ANKRD62: variants seen among roughly 807,000 people sequenced by gnomAD.
The protein encoded by ANKRD62 is ankyrin repeat domain-containing protein 62.
In ANKRD62, 61 loss-of-function variants were observed where a neutral mutation model predicts 98.8. The observed-to-expected ratio is 0.62, with a 90% CI of 0.50 to 0.76. The LOEUF (loss-of-function observed/expected upper bound fraction) is 0.76, where lower values mean the gene tolerates loss of function less well. Ranked by LOEUF, ANKRD62 falls within the 30% of genes least tolerant of loss-of-function variation. The probability of loss-of-function intolerance (pLI) is 0.00; values close to 1 mark genes in which losing one functional copy is unlikely to be tolerated. For synonymous variants in ANKRD62, 341 were observed against 367.9 expected (o/e 0.93, Z 0.84); for missense variants, 933 against 1,082.9 (o/e 0.86, Z 1.94).
chr18:12,112,069 C>G (rs1204258063), intron 8 of ANKRD62, among the ~76,000 whole-genome samples: 3 of 140,168 alleles, frequency 2.1e-5, no homozygotes, highest in African/African-American at 8.2e-5. Flanking sequence ...GAGATCATGC[C>G]ATTGTGCTTC....
chr18:12,165,301 C>A, the ANKRD62 span, among the ~76,000 whole-genome samples: 1 of 151,946 alleles, frequency 6.6e-6, no homozygotes, highest in Non-Finnish European at 1.5e-5. Flanking sequence ...GTAAACACAC[C>A]TAGCATTTTG....
chr18:12,159,041 A>G, the ANKRD62 span, among the ~76,000 whole-genome samples: 1 of 152,212 alleles, frequency 6.6e-6, no homozygotes, highest in Non-Finnish European at 1.5e-5. Flanking sequence ...AAAGCTGGAC[A>G]TCTTTCTCCT....
chr18:12,158,727 G>C, the ANKRD62 span, among the ~76,000 whole-genome samples: 1 of 149,402 alleles, frequency 6.7e-6, no homozygotes. Flanking sequence ...GTAGAGATGG[G>C]GTTTCACCGT....
downstream of ANKRD62, among the ~76,000 whole-genome samples, chr18:12,131,143 G>A (rs1909997605): frequency 2.0e-5 from 3 of 152,198 alleles, no homozygotes; most frequent in South Asian, 6.2e-4. Context: ...TTGGATTTCA[G>A]ATTTTCAAGT....
chr18:12,118,608 TAAAA>T (rs34897974), intron 10 of ANKRD62, among the ~76,000 whole-genome samples: 212 of 141,096 alleles, frequency 1.5e-3, no homozygotes, highest in Non-Finnish European at 2.3e-3. Flanking sequence ...GGCTCTGTCT[TAAAA>T]AAAAAAAAAA....
intron 6 of ANKRD62, chr18:12,102,170 G>A: frequency 1.0e-6 from 1 of 981,380 alleles, no homozygotes; most frequent in Non-Finnish European, 1.7e-6. Flanking sequence ...TAACTATGAA[G>A]AGTGAGGGTT....
At chr18:12,171,741 C>T in the ANKRD62 span, among the ~76,000 whole-genome samples, 17 of 152,346 alleles carry the variant, frequency 1.1e-4, no homozygotes, top group East Asian at 3.3e-3. Context: ...TGTTTTCCAA[C>T]TTGGTTCCAT....
the ANKRD62 span, among the ~76,000 whole-genome samples, chr18:12,168,955 A>T: frequency 6.6e-6 from 1 of 152,108 alleles, no homozygotes; most frequent in African/African-American, 2.4e-5. Flanking sequence ...GGTGTATAAG[A>T]ATGCCTGTGA....
chr18:12,104,526 G>A (rs145032176), intron 7 of ANKRD62, among the ~76,000 whole-genome samples: 1 of 152,022 alleles, frequency 6.6e-6, no homozygotes, highest in East Asian at 1.9e-4. Context: ...AAAAGTATGA[G>A]GAAAACGTGG....
the ANKRD62 span, among the ~76,000 whole-genome samples, chr18:12,167,683 T>C: frequency 6.6e-6 from 1 of 152,226 alleles, no homozygotes; most frequent in African/African-American, 2.4e-5. Flanking sequence ...ATGGTATTTC[T>C]AGTTCTAGAT....
chr18:12,133,866 A>G (rs2143941863), downstream of ANKRD62, among the ~76,000 whole-genome samples: 1 of 152,116 alleles, frequency 6.6e-6, no homozygotes, highest in East Asian at 1.9e-4. Context: ...CTCTTTTCTC[A>G]AGAATTTACT....
At chr18:12,119,346 C>CTTTTTTT (rs56255574) in intron 10 of ANKRD62, among the ~76,000 whole-genome samples, 2 of 132,532 alleles carry the variant, frequency 1.5e-5, no homozygotes, top group African/African-American at 2.8e-5. Flanking sequence ...TGATCTTCTT[C>CTTTTTTT]TTTTTTTTTT....
rs1368804434 is a variant in ANKRD62 at position 12,115,444 on chromosome 18, T to C, written c.1150T>C (p.Ser384Pro). ...TDDLNDISGS[S>P]EKTSEDDELP... ...TGACCTTAATGACATAAGTGGGTCA[T>C]CTGAAAAAACCTCAGAGGATGATGA... The change falls in exon 10 of 14, where the codon TCT becomes CCT. Residue 384 changes from serine (S) to proline (P), a missense_variant. Physicochemically the swap from Ser to Pro is moderately conservative, Grantham distance 74 (BLOSUM62 -1). Coordinates refer to ENST00000587848, the MANE Select transcript of ANKRD62 (RefSeq NM_001277333.2). The C allele has an allele frequency of 1.3e-6, 2 of 1,537,082 alleles. No homozygotes were observed. The highest frequency in any genetic ancestry group is 1.7e-6 in the Non-Finnish European group (2 of 1,146,606).
chr18:12,103,932 G>A (rs1478379505), intron 7 of ANKRD62, among the ~76,000 whole-genome samples: 1 of 152,036 alleles, frequency 6.6e-6, no homozygotes, highest in Non-Finnish European at 1.5e-5. Context: ...TCATATTACA[G>A]TATATAATTT....
At chr18:12,110,009 A>G (rs1293065056) in intron 8 of ANKRD62, among the ~76,000 whole-genome samples, 1 of 151,312 alleles carries the variant, frequency 6.6e-6, no homozygotes, top group Non-Finnish European at 1.5e-5. Context: ...GGCACACACT[A>G]TTAATTTGCT....
chr18:12,167,877 G>A, the ANKRD62 span, among the ~76,000 whole-genome samples: 2 of 152,138 alleles, frequency 1.3e-5, no homozygotes, highest in Non-Finnish European at 2.9e-5. Flanking sequence ...TTCTCTGATG[G>A]CCAGTCATGA....
chr18:12,138,379 G>T, the ANKRD62 span, among the ~76,000 whole-genome samples: 1 of 152,210 alleles, frequency 6.6e-6, no homozygotes, highest in South Asian at 2.1e-4. Context: ...TCAATTCTGA[G>T]TTCTAGTTTG....
the ANKRD62 span, among the ~76,000 whole-genome samples, chr18:12,159,726 ATGCCAG>A: frequency 3.7e-4 from 56 of 152,322 alleles, no homozygotes; most frequent in Non-Finnish European, 6.0e-4. Flanking sequence ...ATAGATCATT[ATGCCAG>A]TGGTAGTGGT....
chr18:12,100,541 G>A (rs1909278343), intron 6 of ANKRD62, among the ~76,000 whole-genome samples: 1 of 152,120 alleles, frequency 6.6e-6, no homozygotes, highest in Admixed American at 6.5e-5. Context: ...AAAAGTAACT[G>A]TCTTTAAAAT....
Sources: gnomAD v4.1 joint callset for allele counts (sites outside exome capture counted in the v4.1 genomes callset) on GRCh38, gnomAD v4.1.1 for gene constraint, MANE v1.5 for transcripts, NCBI Gene and HGNC (gene_info 2026-07-23, HGNC 2026-07-21) for gene names.